PBX3: variants seen among roughly 807,000 people sequenced by gnomAD.
PBX3 encodes pre-B-cell leukemia transcription factor 3.
Under a neutral mutation model 48.5 loss-of-function variants are expected in PBX3, and 14 were observed. The observed-to-expected ratio is 0.29, with a 90% CI of 0.19 to 0.45. The LOEUF (loss-of-function observed/expected upper bound fraction) is 0.45, where lower values mean the gene tolerates loss of function less well. PBX3 is among the 20% of genes least tolerant of loss of function. The pLI is 1.00. For missense variants in PBX3, 386 were observed against 546.7 expected (o/e 0.71, Z 2.93); for synonymous variants, 210 against 200.3 (o/e 1.05, Z -0.41).
chr9:125,864,400 G>T (rs1289824169), intron 2 of PBX3, among the ~76,000 whole-genome samples: 7 of 152,124 alleles, frequency 4.6e-5, no homozygotes, highest in Non-Finnish European at 1.0e-4. Flanking sequence ...GAATGGGGGT[G>T]GGGGAGGATG....
chr9:125,835,090 A>G (rs993187235), intron 2 of PBX3, among the ~76,000 whole-genome samples: 1 of 151,550 alleles, frequency 6.6e-6, no homozygotes, highest in African/African-American at 2.4e-5. Context: ...AGAAAAGACA[A>G]TACAGATAAC....
At chr9:125,873,615 G>A (rs1390470865) in intron 2 of PBX3, among the ~76,000 whole-genome samples, 1 of 152,030 alleles carries the variant, frequency 6.6e-6, no homozygotes, top group Non-Finnish European at 1.5e-5. Flanking sequence ...AGAAATTGTG[G>A]AGAAATTGTC....
chr9:125,953,456 A>C (rs1166733394), intron 5 of PBX3, among the ~76,000 whole-genome samples: 5 of 146,026 alleles, frequency 3.4e-5, no homozygotes, highest in Non-Finnish European at 6.0e-5. Flanking sequence ...CAGCCTGCGC[A>C]ACAGAGCGAG....
chr9:125,750,263 G>C (rs1459230518), intron 2 of PBX3, among the ~76,000 whole-genome samples: 3 of 152,122 alleles, frequency 2.0e-5, no homozygotes, highest in Admixed American at 2.0e-4. Context: ...TATATTACTA[G>C]GGAGAGGGGA....
At position 125,962,231 on chromosome 9, in the gene PBX3, A is replaced by G. The variant is rs1330928553; in HGVS notation, c.1122+17A>G. 1 of 1,416,574 alleles carries G rather than the reference A, an allele frequency of 7.1e-7. No homozygotes were observed. The highest frequency in any genetic ancestry group is 1.0e-6 in the Non-Finnish European group (1 of 1,000,660). 87.8% of individuals were successfully genotyped at this position (1,416,574 alleles called of 1,614,324 possible). ...CAATCACAGGTAGGAGAAATGCCCC[A>G]GTGGGGCCTTTCTAGCAGGGTAGGG... On this transcript the variant is annotated intron_variant, in intron 7 of 8. Transcript: ENST00000373489.
chr9:125,839,609 G>A (rs759797951), intron 2 of PBX3, among the ~76,000 whole-genome samples: 4 of 152,154 alleles, frequency 2.6e-5, no homozygotes, highest in Admixed American at 1.3e-4. Context: ...AGATTTATGG[G>A]GAGTTTAAAA....
At chr9:125,762,468 C>G (rs953704851) in intron 2 of PBX3, among the ~76,000 whole-genome samples, 10 of 151,836 alleles carry the variant, frequency 6.6e-5, no homozygotes, top group Non-Finnish European at 1.5e-4. Context: ...TTAATGTTTT[C>G]TGGGAGGGTA....
chr9:125,890,968 A>G (rs1266794298), intron 2 of PBX3, among the ~76,000 whole-genome samples: 1 of 152,232 alleles, frequency 6.6e-6, no homozygotes, highest in Non-Finnish European at 1.5e-5. Flanking sequence ...AAATTTTTCC[A>G]AAAGGAACTA....
At chr9:125,914,721 G>A (rs1168685485) in intron 2 of PBX3, among the ~76,000 whole-genome samples, 1 of 151,820 alleles carries the variant, frequency 6.6e-6, no homozygotes, top group Admixed American at 6.6e-5. Context: ...GATTTACAGA[G>A]GTTAATTGGG....
intron 5 of PBX3, among the ~76,000 whole-genome samples, chr9:125,958,330 T>C (rs976239891): frequency 5.3e-5 from 8 of 152,162 alleles, no homozygotes; most frequent in African/African-American, 1.9e-4. Flanking sequence ...TTATATACTC[T>C]CCTAACTTCC....
intron 2 of PBX3, among the ~76,000 whole-genome samples, chr9:125,790,608 A>C (rs999466941): frequency 2.0e-5 from 3 of 152,000 alleles, no homozygotes; most frequent in Admixed American, 2.0e-4. Context: ...CTGTTCTGTC[A>C]CCCAGGCTGG....
In PBX3 at chr9:125,830,019, A is replaced by C. The variant is rs1838913335; in HGVS notation, c.274+81396A>C. On this transcript the variant is annotated intron_variant, in intron 2 of 8. Transcript: ENST00000373489. The stretch of plus-strand genomic sequence containing the variant: ...CAAAGGTGAACTGAAGTTGGGAGGC[A>C]GTGTCTCGCGTCACTGTCTGCTGAG... 3.3e-5 allele frequency among the ~76,000 whole-genome samples: 5 copies of C among 152,196 alleles called. No homozygotes were observed. In the South Asian group the frequency reaches 1.0e-3, roughly 32 times the overall value.
intron 2 of PBX3, among the ~76,000 whole-genome samples, chr9:125,848,296 T>C (rs1370429969): frequency 6.6e-6 from 1 of 152,068 alleles, no homozygotes; most frequent in Non-Finnish European, 1.5e-5. Context: ...CCAGCAGTCT[T>C]CCACATTTTA....
At chr9:125,886,580 C>T (rs557795917) in intron 2 of PBX3, among the ~76,000 whole-genome samples, 1 of 152,078 alleles carries the variant, frequency 6.6e-6, no homozygotes, top group Non-Finnish European at 1.5e-5. Flanking sequence ...GTGTAATTTA[C>T]TGAGAGCCTT....
In PBX3 at chr9:125,820,594, G is replaced by A. The variant is rs1402079307; in HGVS notation, c.274+71971G>A. On this transcript the variant is annotated intron_variant, in intron 2 of 8. Transcript: ENST00000373489. The stretch of plus-strand genomic sequence containing the variant: ...ACCAAGTGCTGTGATTCTGTCTGAC[G>A]TGTGAAGATTCAGACAGGCTGTCTT... Among the ~76,000 whole-genome samples, 5 of 152,216 alleles carry A rather than the reference G, an allele frequency of 3.3e-5. No individual in the cohort carries two copies. The South Asian group carries it at 1.0e-3, about 31-fold the overall frequency.
intron 2 of PBX3, among the ~76,000 whole-genome samples, chr9:125,777,010 C>CTTTTTTTTTTTTTTTTTTTTTTTTT (rs1299800849): frequency 1.1e-5 from 1 of 94,298 alleles, no homozygotes; most frequent in Admixed American, 1.1e-4. Context: ...TTTTTCTTTT[C>CTTTTTTTTTTTTTTTTTTTTTTTTT]TTTTCTTTTT....
intron 2 of PBX3, among the ~76,000 whole-genome samples, chr9:125,754,414 G>A (rs1192524568): frequency 6.6e-6 from 1 of 151,980 alleles, no homozygotes; most frequent in African/African-American, 2.4e-5. Context: ...ATATCACTAT[G>A]TAGTATAAAT....
chr9:125,901,049 G>A (rs1016383772), intron 2 of PBX3, among the ~76,000 whole-genome samples: 2 of 151,692 alleles, frequency 1.3e-5, no homozygotes, highest in Non-Finnish European at 3.0e-5. Flanking sequence ...AGTTTTTAAA[G>A]GTTATTTGAC....
chr9:125,960,214 T>G (rs1344768702), intron 5 of PBX3, among the ~76,000 whole-genome samples: 3 of 152,254 alleles, frequency 2.0e-5, no homozygotes, highest in African/African-American at 7.2e-5. Flanking sequence ...TCATCCATTA[T>G]TAATTGATGT....
Sources: allele counts gnomAD v4.1 joint callset (sites outside exome capture counted in the v4.1 genomes callset), GRCh38; gene constraint gnomAD v4.1.1; transcripts MANE v1.5; gene names NCBI Gene and HGNC (gene_info 2026-07-23, HGNC 2026-07-21).